Variants in GARS1 observed in about 807,000 individuals in gnomAD.
The protein encoded by GARS1 is glycyl-tRNA synthetase 1, also known as glycine--tRNA ligase.
A neutral mutation model predicts 86.4 loss-of-function variants in GARS1; 46 were observed. The observed-to-expected ratio is 0.53, with a 90% CI of 0.42 to 0.68. The LOEUF (loss-of-function observed/expected upper bound fraction) is 0.68. Among genes scored for constraint, GARS1 ranks in the 30% least tolerant of loss-of-function variants. The pLI is 0.00. For synonymous variants in GARS1, 342 were observed against 329.8 expected (o/e 1.04, Z -0.40); for missense variants, 797 against 915.6 (o/e 0.87, Z 1.67).
At chr7:30,608,988 A>C (rs568933250) in intron 6 of GARS1, among the ~76,000 whole-genome samples, 1 of 152,308 alleles carries the variant, frequency 6.6e-6, no homozygotes, top group South Asian at 2.1e-4. Context: ...AAATTCTTAA[A>C]TTGGAGGGCA....
chr7:30,603,149 G>T, intron 5 of GARS1, 27 bp downstream of exon 5: 1 of 1,554,540 alleles, frequency 6.4e-7, no homozygotes. Context: ...CCTTCAGGTA[G>T]GATTGATCAA....
rs766263055 is a variant in GARS1 at position 30,615,882 on chromosome 7, G to A, written c.1032-14G>A. The stretch of plus-strand genomic sequence containing the variant: ...TTAAATATGCAGGTTTATCGCTTAC[G>A]TTTTTGCTTTCAGAGAATTCACAAT... On this transcript the variant is annotated splice_polypyrimidine_tract_variant and intron_variant, in intron 8 of 16. Transcript: ENST00000389266. 6.1e-5 allele frequency: 99 copies of A among 1,613,820 alleles called. No homozygotes were observed. Among genetic ancestry groups the A allele is most frequent in the Non-Finnish European group, 7.6e-5 (90 of 1,179,944 alleles).
intron 1 of GARS1, chr7:30,595,710 G>A: frequency 6.4e-6 from 3 of 469,142 alleles, no homozygotes; most frequent in South Asian, 4.7e-5. Flanking sequence ...TTAGCGGAAT[G>A]ATTGGCTGAG....
chr7:30,617,142 A>G lies in GARS1; in HGVS notation c.1223A>G (p.Tyr408Cys). Reference sequence around the variant, plus strand: ...GTGATTAATAACACAGTATTAGGCTATTTCATTGGCCGCATCTACCTCTAC... The same window carrying G: ...GTGATTAATAACACAGTATTAGGCTGTTTCATTGGCCGCATCTACCTCTAC... The part of the protein sequence containing the change: ...QGVINNTVLG[Y>C]FIGRIYLYLT... The change falls in exon 10 of 17, where the codon TAT becomes TGT. Residue 408 changes from tyrosine to cysteine, a missense_variant. Coordinates refer to ENST00000389266, the MANE Select transcript of GARS1 (RefSeq NM_002047.4). The G allele has an allele frequency of 3.1e-6, 5 of 1,614,090 alleles. No individual in the cohort carries two copies. The highest frequency in any genetic ancestry group is 4.2e-6 in the Non-Finnish European group (5 of 1,179,982).
At chr7:30,627,888 C>T (rs1193824505) in intron 13 of GARS1, among the ~76,000 whole-genome samples, 1 of 152,082 alleles carries the variant, frequency 6.6e-6, no homozygotes, top group East Asian at 1.9e-4. Flanking sequence ...TTATTAAAAG[C>T]CTTAGATTTT....
At chr7:30,596,267 C>A (rs1305905702) in intron 1 of GARS1, among the ~76,000 whole-genome samples, 1 of 152,180 alleles carries the variant, frequency 6.6e-6, no homozygotes, top group Non-Finnish European at 1.5e-5. Context: ...CTGGTTTGAG[C>A]CTGACCGATT....
In GARS1 at chr7:30,633,933, A is replaced by G. The variant is rs113598818; in HGVS notation, c.*73A>G. 14,271 of 1,556,030 alleles carry G rather than the reference A, an allele frequency of 9.2e-3. 89 individuals carry two copies. The highest frequency in any genetic ancestry group is 0.017 in the Middle Eastern group (100 of 5,788). On this transcript the variant is annotated 3_prime_UTR_variant, in exon 17 of 17. Coordinates refer to ENST00000389266, the MANE Select transcript of GARS1 (RefSeq NM_002047.4). ...AAAACTACTCTTATGTCCACTTTACAAAAGAAAACAGCATTGTGATTACTC... is the reference window on the plus strand; with the variant it reads ...AAAACTACTCTTATGTCCACTTTACGAAAGAAAACAGCATTGTGATTACTC...
rs1478224881 is a variant in GARS1, at chr7:30,633,795, G to A, written c.2155G>A (p.Val719Met). ...CAATGGCAACATCACATGGGCTGAT[G>A]TGGAGGCCAGGTATCCTCTGTTTGA... ...LANGNITWAD[V>M]EARYPLFEGQ... Residue 719 changes from valine (V) to methionine (M), a missense_variant, in exon 17 of 17, where the codon GTG becomes ATG. Val to Met is a conservative substitution (Grantham distance 21). Coordinates refer to ENST00000389266, the MANE Select transcript of GARS1 (RefSeq NM_002047.4). 6.2e-7 allele frequency: 1 copy of A among 1,612,342 alleles called. No individual in the cohort carries two copies. The highest frequency in any genetic ancestry group is 2.2e-5 in the East Asian group (1 of 44,766).
At chr7:30,595,825 C>T (rs1365732411) in intron 1 of GARS1, 1 of 471,014 alleles carries the variant, frequency 2.1e-6, no homozygotes, top group Non-Finnish European at 4.4e-6. Context: ...TCTGAAAAGG[C>T]CGTTTGGAAC....
At chr7:30,622,225 A>G (rs2128135177) in intron 11 of GARS1, 92 bp from the exon 12 acceptor site, 1 of 1,476,490 alleles carries the variant, frequency 6.8e-7, no homozygotes, top group Non-Finnish European at 9.4e-7. Context: ...GAGAGCTGGC[A>G]TGGTTTTAAG....
In GARS1 at chr7:30,622,381, A is replaced by G; in HGVS notation, c.1532A>G (p.Asp511Gly). The change falls in exon 12 of 17, where the codon GAT becomes GGT. Residue 511 changes from aspartate (D) to glycine (G), a missense_variant. Around this residue, in one of 2 missense-constraint regions of GARS1, gnomAD observed 598 missense variants for 738.7 expected, o/e 0.81. Coordinates refer to ENST00000389266, the MANE Select transcript of GARS1 (RefSeq NM_002047.4). The part of the protein sequence containing the change: ...KGAIGKAYKK[D>G]AKLVMEYLAI... ...GCAATTGGTAAGGCATATAAGAAGG[A>G]TGCAAAACTGGTGATGGAGTATCTT... The G allele has an allele frequency of 1.9e-6, 3 of 1,614,162 alleles. No individual in the cohort carries two copies. Among genetic ancestry groups the G allele is most frequent in the Non-Finnish European group, 1.7e-6 (2 of 1,180,002 alleles).
chr7:30,603,430 A>C, intron 5 of GARS1, 66 bp from the exon 6 acceptor site: 1 of 1,279,152 alleles, frequency 7.8e-7, no homozygotes, highest in Non-Finnish European at 1.1e-6. Flanking sequence ...ATTGTCTAGC[A>C]TTGAAACTGA....
At chr7:30,628,453 G>A (rs1783169679) in intron 13 of GARS1, 107 bp from the exon 14 acceptor site, 1 of 797,026 alleles carries the variant, frequency 1.3e-6, no homozygotes, top group Admixed American at 1.8e-5. Context: ...CCAAAATGCT[G>A]GGATTACAGG....
At chr7:30,600,393 G>A (rs1791348513) in intron 3 of GARS1, among the ~76,000 whole-genome samples, 1 of 152,160 alleles carries the variant, frequency 6.6e-6, no homozygotes. Context: ...ACTATACTAT[G>A]CCCCTTCACA....
intron 1 of GARS1, among the ~76,000 whole-genome samples, chr7:30,597,500 TA>T (rs1458608889): frequency 6.6e-6 from 1 of 152,198 alleles, no homozygotes; most frequent in Non-Finnish European, 1.5e-5. Context: ...AACGTCATAT[TA>T]CAAAAGAAGC....
At chr7:30,625,883 C>A (rs961197517) in intron 12 of GARS1, among the ~76,000 whole-genome samples, 1 of 152,128 alleles carries the variant, frequency 6.6e-6, no homozygotes, top group Non-Finnish European at 1.5e-5. Context: ...TACCAGCAGG[C>A]CTATTTCTGA....
intron 9 of GARS1, among the ~76,000 whole-genome samples, chr7:30,616,385 G>A (rs1458000355): frequency 7.2e-5 from 11 of 152,206 alleles, no homozygotes; most frequent in African/African-American, 2.7e-4. Flanking sequence ...TGGACCCACA[G>A]AAAGCAAGCC....
intron 10 of GARS1, among the ~76,000 whole-genome samples, chr7:30,618,144 A>G (rs990284476): frequency 3.3e-5 from 5 of 152,214 alleles, no homozygotes; most frequent in African/African-American, 1.2e-4. Flanking sequence ...AACAAAAAGG[A>G]AAAAATAATT....
chr7:30,609,730 G>C lies in GARS1; in HGVS notation c.881G>C (p.Gly294Ala). The change falls in exon 7 of 17, where the codon GGG becomes GCG. Residue 294 changes from glycine to alanine, a missense_variant and splice_region_variant. By Grantham distance (60) the Gly-to-Ala change is moderately conservative. Transcript: ENST00000389266. ...ATTGGGCCTGGAGGAAACATGCCTGGGTATGTATCACTTATTGTTTACCTG... is the reference window on the plus strand; with the variant it reads ...ATTGGGCCTGGAGGAAACATGCCTGCGTATGTATCACTTATTGTTTACCTG... ...TFIGPGGNMP[G>A]YLRPETAQGI... 2 of 1,613,098 alleles carry C rather than the reference G, an allele frequency of 1.2e-6. No homozygotes were observed. Among genetic ancestry groups the C allele is most frequent in the Non-Finnish European group, 1.7e-6 (2 of 1,179,440 alleles).
Sources: allele counts gnomAD v4.1 joint callset (sites outside exome capture counted in the v4.1 genomes callset), GRCh38; gene constraint gnomAD v4.1.1; regional missense constraint gnomAD v4.1.1; transcripts MANE v1.5; gene names NCBI Gene and HGNC (gene_info 2026-07-23, HGNC 2026-07-21).